FRMD4A: variants seen among roughly 807,000 people sequenced by gnomAD.
FRMD4A encodes FERM domain-containing protein 4A.
A neutral mutation model predicts 129.1 loss-of-function variants in FRMD4A; 29 were observed. The ratio of observed to expected loss-of-function variants is 0.22; its 90% CI spans 0.17 to 0.31. The LOEUF is 0.31. Ranked by LOEUF, FRMD4A falls within the 10% of genes least tolerant of loss-of-function variation. The pLI is 1.00. For synonymous variants in FRMD4A, 634 were observed against 571.6 expected (o/e 1.11, Z -1.56); for missense variants, 1,272 against 1,375.8 (o/e 0.92, Z 1.19).
intron 2 of FRMD4A, among the ~76,000 whole-genome samples, chr10:13,870,138 G>A (rs895183922): frequency 3.3e-5 from 5 of 152,258 alleles, no homozygotes; most frequent in Non-Finnish European, 5.9e-5. Flanking sequence ...AGGCTAATGG[G>A]AACAGAGATG....
chr10:13,881,751 C>T (rs1484114856), intron 2 of FRMD4A, among the ~76,000 whole-genome samples: 3 of 151,818 alleles, frequency 2.0e-5, no homozygotes, highest in African/African-American at 2.4e-5. Context: ...GTGAACAGGT[C>T]GTCACTGTCC....
At chr10:13,924,421 T>C (rs1329327753) in intron 2 of FRMD4A, among the ~76,000 whole-genome samples, 7 of 151,126 alleles carry the variant, frequency 4.6e-5, no homozygotes, top group Non-Finnish European at 7.4e-5. Flanking sequence ...TTTTTTTTTT[T>C]CCCAGTCATC....
At chr10:14,013,081 C>A (rs144912302) in intron 2 of FRMD4A, among the ~76,000 whole-genome samples, 76 of 152,166 alleles carry the variant, frequency 5.0e-4, no homozygotes, top group African/African-American at 1.7e-3. Context: ...GGATGGTGAG[C>A]TGGAGAAAGA....
rs528101372 is a variant in FRMD4A, at chr10:13,765,326, A to G, written c.385-2646T>C. Among the ~76,000 whole-genome samples, 8 of 152,202 alleles carry G rather than the reference A, an allele frequency of 5.3e-5. No individual in the cohort carries two copies. The East Asian group carries it at 1.5e-3, about 29-fold the overall frequency. On this transcript the variant is annotated intron_variant, in intron 6 of 24. Coordinates refer to ENST00000357447, the MANE Select transcript of FRMD4A (RefSeq NM_018027.5). ...GAGATGGGATTTCACCATGTTGGCC[A>G]GGCTGGTCTCGAACTTCTGACCTCA...
At chr10:14,263,387 T>C (rs970709243) in intron 2 of FRMD4A, among the ~76,000 whole-genome samples, 1 of 152,202 alleles carries the variant, frequency 6.6e-6, no homozygotes, top group African/African-American at 2.4e-5. Flanking sequence ...GACATGCTGC[T>C]AAGAATCACC....
intron 2 of FRMD4A, among the ~76,000 whole-genome samples, chr10:13,941,981 A>C (rs1340575568): frequency 6.6e-6 from 1 of 152,120 alleles, no homozygotes; most frequent in Non-Finnish European, 1.5e-5. Context: ...CACATGGTGG[A>C]CCACAGCAGA....
At chr10:13,900,302 A>T (rs2131190776) in intron 2 of FRMD4A, among the ~76,000 whole-genome samples, 1 of 152,162 alleles carries the variant, frequency 6.6e-6, no homozygotes, top group Admixed American at 6.6e-5. Context: ...GAAATAACCA[A>T]GTTTTATAGT....
intron 2 of FRMD4A, among the ~76,000 whole-genome samples, chr10:14,090,123 T>C (rs1836575419): frequency 6.6e-6 from 1 of 152,044 alleles, no homozygotes; most frequent in Admixed American, 6.5e-5. Flanking sequence ...GAAATAACCG[T>C]AAGGGAAAAG....
chr10:13,959,091 G>A (rs1167203243), intron 2 of FRMD4A, among the ~76,000 whole-genome samples: 1 of 152,122 alleles, frequency 6.6e-6, no homozygotes, highest in Non-Finnish European at 1.5e-5. Context: ...TCTCAGCAAT[G>A]GGCACTTGCA....
chr10:14,269,954 G>T (rs972372429), intron 2 of FRMD4A, among the ~76,000 whole-genome samples: 3 of 152,202 alleles, frequency 2.0e-5, no homozygotes, highest in Non-Finnish European at 4.4e-5. Context: ...CCTCAGTGGG[G>T]CCCAGATGGG....
intron 2 of FRMD4A, among the ~76,000 whole-genome samples, chr10:14,067,036 G>T (rs1835091548): frequency 6.6e-6 from 1 of 152,276 alleles, no homozygotes; most frequent in Non-Finnish European, 1.5e-5. Context: ...AATATGTCTC[G>T]GCTAGGTGCA....
chr10:13,875,660 G>A (rs1008853611), intron 2 of FRMD4A, among the ~76,000 whole-genome samples: 2 of 152,200 alleles, frequency 1.3e-5, no homozygotes, highest in African/African-American at 2.4e-5. Flanking sequence ...ACAAGAAAAT[G>A]AAAGAAATGG....
intron 2 of FRMD4A, among the ~76,000 whole-genome samples, chr10:14,134,406 T>A (rs920842979): frequency 6.7e-6 from 1 of 148,946 alleles, no homozygotes; most frequent in African/African-American, 2.5e-5. Flanking sequence ...GGTGGATGGA[T>A]GGATGGATGG....
chr10:13,727,298 C>T (rs926553590), intron 12 of FRMD4A, among the ~76,000 whole-genome samples: 4 of 152,174 alleles, frequency 2.6e-5, no homozygotes, highest in African/African-American at 7.2e-5. Flanking sequence ...CATGCAGCAC[C>T]GACCAGCCTC....
chr10:13,877,966 CA>C (rs1175309265), intron 2 of FRMD4A, among the ~76,000 whole-genome samples: 3 of 152,026 alleles, frequency 2.0e-5, no homozygotes, highest in Non-Finnish European at 4.4e-5. Flanking sequence ...CTCCCAAACC[CA>C]AAAGTCTCCC....
At chr10:13,866,192 A>G (rs747994728) in intron 2 of FRMD4A, 5 of 379,956 alleles carry the variant, frequency 1.3e-5, no homozygotes, top group Non-Finnish European at 1.8e-5. Context: ...CTGAAATGCT[A>G]TCCTTTAAAA....
chr10:13,726,333 G>A (rs2089890983), intron 12 of FRMD4A, among the ~76,000 whole-genome samples: 1 of 152,192 alleles, frequency 6.6e-6, no homozygotes, highest in East Asian at 1.9e-4. Flanking sequence ...GGGTCTTGGA[G>A]TGGATATGGA....
intron 22 of FRMD4A, chr10:13,655,603 C>G (rs899222954): frequency 6.6e-6 from 1 of 150,748 alleles, no homozygotes; most frequent in African/African-American, 2.5e-5. Context: ...GCTAGGGCAT[C>G]CAGGTTCTTC....
At chr10:14,099,245 A>G (rs2131771870) in intron 2 of FRMD4A, among the ~76,000 whole-genome samples, 1 of 152,312 alleles carries the variant, frequency 6.6e-6, no homozygotes, top group East Asian at 1.9e-4. Flanking sequence ...CCTAGTCCTG[A>G]TATAATTCCA....
Sources: allele counts gnomAD v4.1 joint callset (sites outside exome capture counted in the v4.1 genomes callset), GRCh38; gene constraint gnomAD v4.1.1; transcripts MANE v1.5; gene names NCBI Gene and HGNC (gene_info 2026-07-23, HGNC 2026-07-21).